Variants in PRSS23 observed in about 807,000 individuals in gnomAD.
The protein encoded by PRSS23 is protease, serine 23.
Under a neutral mutation model 34.7 loss-of-function variants are expected in PRSS23, and 25 were observed. That is an observed-to-expected ratio of 0.72 (90% CI 0.53 to 1.01). The LOEUF (loss-of-function observed/expected upper bound fraction) is 1.01. Among genes scored for constraint, PRSS23 ranks in the 50% least tolerant of loss-of-function variants. The probability of loss-of-function intolerance (pLI) is 0.00; values close to 1 mark genes in which losing one functional copy is unlikely to be tolerated. For synonymous variants in PRSS23, 176 were observed against 186.6 expected (o/e 0.94, Z 0.46); for missense variants, 445 against 475.6 (o/e 0.94, Z 0.60).
chr11:86,844,019 G>A (rs1304414275), intron 2 of PRSS23, among the ~76,000 whole-genome samples: 1 of 152,206 alleles, frequency 6.6e-6, no homozygotes, highest in East Asian at 1.9e-4. Context: ...CAACCCAAAT[G>A]TCCATCAATG....
Position 86,893,597 on chromosome 11 carries a change from A to T in PRSS23, c.207-57619A>T, listed in dbSNP as rs72959676. On this transcript the variant is annotated intron_variant, in intron 2 of 2. Coordinates refer to the PRSS23 transcript ENST00000533902. ...TAATTAAGGTAGGATGGCAGGAGCTATCTACTTAGCACAGAGATGTGATCA... is the reference window on the plus strand; with the variant it reads ...TAATTAAGGTAGGATGGCAGGAGCTTTCTACTTAGCACAGAGATGTGATCA... Among the ~76,000 whole-genome samples, 1,141 of 152,350 alleles carry T rather than the reference A, an allele frequency of 7.5e-3. 12 individuals are homozygous for T. Among genetic ancestry groups the T allele is most frequent in the Admixed American group, 0.021 (314 of 15,308 alleles).
intron 2 of PRSS23, among the ~76,000 whole-genome samples, chr11:86,886,720 C>T (rs893834890): frequency 6.6e-6 from 1 of 152,146 alleles, no homozygotes; most frequent in African/African-American, 2.4e-5. Flanking sequence ...GGGCAGATCA[C>T]TTGAGGTCAA....
In PRSS23 at chr11:86,807,878, G is replaced by A. The variant is rs773274738; in HGVS notation, c.235G>A (p.Glu79Lys). Residue 79 changes from glutamate to lysine, a missense_variant, in exon 2 of 2, where the codon GAA becomes AAA. Glu to Lys is a moderately conservative substitution (Grantham distance 56). Transcript: ENST00000280258. ...TAAGGGAACTCCACTGCCCACTTAC[G>A]AAGAGGCCAAGCAATATCTGTCTTA... is the stretch of plus-strand genomic sequence containing the variant. ...CHKGTPLPTY[E>K]EAKQYLSYET... 8.7e-6 allele frequency: 14 copies of A among 1,613,938 alleles called. No individual in the cohort carries two copies. The highest frequency in any genetic ancestry group is 3.3e-5 in the Admixed American group (2 of 59,984).
At chr11:86,890,937 G>A (rs369830913) in intron 2 of PRSS23, among the ~76,000 whole-genome samples, 29 of 152,254 alleles carry the variant, frequency 1.9e-4, no homozygotes, top group Middle Eastern at 3.4e-3. Context: ...GTTAATCAGG[G>A]TTCAGAACAA....
intron 2 of PRSS23, among the ~76,000 whole-genome samples, chr11:86,826,775 G>T (rs1948304648): frequency 6.6e-6 from 1 of 152,148 alleles, no homozygotes; most frequent in South Asian, 2.1e-4. Flanking sequence ...CTTTGGTTCT[G>T]TTTATATGCT....
chr11:86,877,147 T>G (rs2134954948), intron 2 of PRSS23, among the ~76,000 whole-genome samples: 1 of 152,332 alleles, frequency 6.6e-6, no homozygotes, highest in African/African-American at 2.4e-5. Context: ...AGCCCTCTAT[T>G]ATGGCTTTAT....
At chr11:86,826,889 G>C (rs1333196056) in intron 2 of PRSS23, among the ~76,000 whole-genome samples, 1 of 152,142 alleles carries the variant, frequency 6.6e-6, no homozygotes. Context: ...GCTGGATTTG[G>C]TTTGCCAGTA....
chr11:86,904,377 C>G (rs571303818), intron 2 of PRSS23, among the ~76,000 whole-genome samples: 1 of 152,126 alleles, frequency 6.6e-6, no homozygotes, highest in Admixed American at 6.5e-5. Context: ...CATGTTGTAT[C>G]CTAGTAATCA....
At chr11:86,903,364 C>G (rs1364520649) in intron 2 of PRSS23, among the ~76,000 whole-genome samples, 1 of 152,182 alleles carries the variant, frequency 6.6e-6, no homozygotes, top group East Asian at 1.9e-4. Flanking sequence ...GGTTCATACC[C>G]CACTAGCGAT....
intron 2 of PRSS23, among the ~76,000 whole-genome samples, chr11:86,883,681 G>A (rs1402827309): frequency 6.6e-6 from 1 of 152,114 alleles, no homozygotes; most frequent in Admixed American, 6.5e-5. Flanking sequence ...GCACAGAAAA[G>A]GACTTAATCT....
chr11:86,899,999 A>C (rs987534993), intron 2 of PRSS23, among the ~76,000 whole-genome samples: 5 of 152,152 alleles, frequency 3.3e-5, no homozygotes, highest in African/African-American at 4.8e-5. Context: ...CAAAGAACGC[A>C]TGGTCTATGA....
At chr11:86,805,562 T>C (rs1948090903) in intron 1 of PRSS23, among the ~76,000 whole-genome samples, 1 of 152,170 alleles carries the variant, frequency 6.6e-6, no homozygotes, top group African/African-American at 2.4e-5. Context: ...TGGAGACAAG[T>C]AGAATTTCAA....
At chr11:86,874,322 C>T (rs904308810) in intron 2 of PRSS23, among the ~76,000 whole-genome samples, 42 of 152,126 alleles carry the variant, frequency 2.8e-4, no homozygotes, top group Admixed American at 2.2e-3. Flanking sequence ...ATATAGGACA[C>T]GCAGTTAAAT....
At chr11:86,864,547 T>TG (rs1948637690) in intron 2 of PRSS23, among the ~76,000 whole-genome samples, 1 of 152,242 alleles carries the variant, frequency 6.6e-6, no homozygotes, top group South Asian at 2.1e-4. Context: ...TGGTGGCTCT[T>TG]GCCCAGCAGT....
intron 2 of PRSS23, among the ~76,000 whole-genome samples, chr11:86,919,588 G>T (rs1206873150): frequency 6.6e-6 from 1 of 152,162 alleles, no homozygotes; most frequent in Non-Finnish European, 1.5e-5. Flanking sequence ...AAGTGGTCCT[G>T]CCAGTCTGAA....
chr11:86,840,484 A>G (rs1470302661), intron 2 of PRSS23, among the ~76,000 whole-genome samples: 1 of 152,246 alleles, frequency 6.6e-6, no homozygotes, highest in Non-Finnish European at 1.5e-5. Flanking sequence ...TTAGAGACCT[A>G]CAAAGAGACT....
At chr11:86,793,608 C>T (rs1947964528) in intron 1 of PRSS23, among the ~76,000 whole-genome samples, 1 of 152,166 alleles carries the variant, frequency 6.6e-6, no homozygotes, top group Non-Finnish European at 1.5e-5. Context: ...GATTAACATT[C>T]TGGAGAGTGT....
intron 2 of PRSS23, among the ~76,000 whole-genome samples, chr11:86,887,418 A>C (rs575263149): frequency 0.012 from 1,814 of 149,992 alleles, 28 homozygotes; most frequent in African/African-American, 0.031. Flanking sequence ...CAAAACAAAA[A>C]AAAAAAAACA....
intron 2 of PRSS23, among the ~76,000 whole-genome samples, chr11:86,939,426 A>T (rs12798087): frequency 0.027 from 2,545 of 93,598 alleles, 120 homozygotes; most frequent in African/African-American, 0.068. Context: ...ATATATATAT[A>T]TTTTTTAACA....
Sources: gnomAD v4.1 joint callset for allele counts (sites outside exome capture counted in the v4.1 genomes callset) on GRCh38, gnomAD v4.1.1 for gene constraint, MANE v1.5 for transcripts, NCBI Gene and HGNC (gene_info 2026-07-23, HGNC 2026-07-21) for gene names.